The following SPMIP11 variants were observed in gnomAD, a reference collection of about 807,000 sequenced individuals.
SPMIP11 encodes sperm microtubule inner protein 11, also known as long intergenic non-protein coding RNA 935.
At chr12:48,727,504 A>G in the SPMIP11 span, 1 of 702,970 alleles carries the variant, frequency 1.4e-6, no homozygotes, top group East Asian at 2.7e-5. Context: ...ACTTGTATCT[A>G]TTGGGATATC....
the SPMIP11 span, among the ~76,000 whole-genome samples, chr12:48,731,415 C>T: frequency 1.3e-5 from 2 of 151,762 alleles, no homozygotes. Context: ...GGCGTGAACC[C>T]GGGAGGCGGA....
the SPMIP11 span, among the ~76,000 whole-genome samples, chr12:48,738,668 G>A: frequency 6.6e-6 from 1 of 151,954 alleles, no homozygotes; most frequent in Non-Finnish European, 1.5e-5. Flanking sequence ...CCGAGTAGCT[G>A]GGACTACAGG....
At chr12:48,729,564 G>C in the SPMIP11 span, among the ~76,000 whole-genome samples, 1 of 151,528 alleles carries the variant, frequency 6.6e-6, no homozygotes, top group Admixed American at 6.6e-5. Context: ...AAAAAAATTA[G>C]CTGGGCATGG....
chr12:48,769,154 GA>G, the SPMIP11 span: 2 of 1,292,738 alleles, frequency 1.5e-6, no homozygotes, highest in South Asian at 2.2e-5. Context: ...AGGACCCAGA[GA>G]AAAAAATGGA....
chr12:48,762,620 G>A, the SPMIP11 span, among the ~76,000 whole-genome samples: 4 of 151,776 alleles, frequency 2.6e-5, no homozygotes, highest in Middle Eastern at 3.4e-3. Context: ...CACCTGCCTC[G>A]GCCTCCCAAA....
At chr12:48,729,533 C>CAA in the SPMIP11 span, among the ~76,000 whole-genome samples, 2 of 141,628 alleles carry the variant, frequency 1.4e-5, no homozygotes, top group Non-Finnish European at 1.5e-5. Context: ...GACTCCATCT[C>CAA]AAAAAAAAAA....
At chr12:48,756,172 C>T in the SPMIP11 span, among the ~76,000 whole-genome samples, 2 of 152,034 alleles carry the variant, frequency 1.3e-5, no homozygotes, top group Non-Finnish European at 2.9e-5. Context: ...CATGAGCCAC[C>T]GTGCCCGGCC....
chr12:48,756,768 T>TTC, the SPMIP11 span, among the ~76,000 whole-genome samples: 1 of 127,468 alleles, frequency 7.8e-6, no homozygotes, highest in Non-Finnish European at 1.9e-5. Context: ...TGGATTTTTT[T>TTC]TTCTTTTTTT....
the SPMIP11 span, among the ~76,000 whole-genome samples, chr12:48,734,477 C>T: frequency 2.0e-5 from 3 of 152,134 alleles, no homozygotes; most frequent in East Asian, 5.8e-4. Flanking sequence ...TTATACCACA[C>T]ACTTTCCATC....
the SPMIP11 span, among the ~76,000 whole-genome samples, chr12:48,730,808 C>T: frequency 6.6e-6 from 1 of 152,134 alleles, no homozygotes. Context: ...CGTAGTGGCA[C>T]ATGCCTGTAA....
the SPMIP11 span, among the ~76,000 whole-genome samples, chr12:48,736,699 G>GTTTTTTTTTT: frequency 2.1e-5 from 3 of 144,316 alleles, no homozygotes; most frequent in Non-Finnish European, 3.0e-5. Context: ...TGGGTCGCAT[G>GTTTTTTTTTT]TTTTTTTTTT....
chr12:48,751,243 T>G, the SPMIP11 span, among the ~76,000 whole-genome samples: 7 of 152,192 alleles, frequency 4.6e-5, no homozygotes, highest in African/African-American at 2.4e-5. Context: ...CTTTTCCTCC[T>G]GATAAAGAAT....
At chr12:48,762,214 A>G in the SPMIP11 span, among the ~76,000 whole-genome samples, 1 of 148,396 alleles carries the variant, frequency 6.7e-6, no homozygotes, top group East Asian at 2.0e-4. Context: ...GCCTGCCACC[A>G]TGCCCGGCTA....
At chr12:48,759,248 T>C in the SPMIP11 span, 1 of 702,848 alleles carries the variant, frequency 1.4e-6, no homozygotes, top group Admixed American at 2.0e-5. Context: ...CCCCCCATTA[T>C]CTCAAAAGAT....
At chr12:48,761,217 C>A in the SPMIP11 span, among the ~76,000 whole-genome samples, 2 of 151,850 alleles carry the variant, frequency 1.3e-5, no homozygotes, top group East Asian at 1.9e-4. Context: ...GAAGACGAGG[C>A]GGGCGGATCA....
At chr12:48,768,475 T>C in the SPMIP11 span, 1 of 1,469,212 alleles carries the variant, frequency 6.8e-7, no homozygotes, top group South Asian at 1.2e-5. Flanking sequence ...ATGTTCCCTT[T>C]TGTGGTTAGC....
the SPMIP11 span, among the ~76,000 whole-genome samples, chr12:48,758,928 C>T: frequency 6.6e-6 from 1 of 152,206 alleles, no homozygotes. Context: ...CTTGGACTAA[C>T]CCTAAGTATG....
the SPMIP11 span, among the ~76,000 whole-genome samples, chr12:48,769,991 GA>G: frequency 1.3e-5 from 2 of 151,604 alleles, no homozygotes; most frequent in South Asian, 4.2e-4. Context: ...TTGATCTCTT[GA>G]CCTCGTGATC....
At chr12:48,729,189 C>T in the SPMIP11 span, among the ~76,000 whole-genome samples, 1 of 152,146 alleles carries the variant, frequency 6.6e-6, no homozygotes, top group East Asian at 1.9e-4. Context: ...ATCATGAAGT[C>T]AAGAGATCAA....
Sources: allele counts gnomAD v4.1 joint callset (sites outside exome capture counted in the v4.1 genomes callset), GRCh38; gene constraint gnomAD v4.1.1; transcripts MANE v1.5; gene names NCBI Gene and HGNC (gene_info 2026-07-23, HGNC 2026-07-21).